Variants in CDK19 observed in about 807,000 individuals in gnomAD.
The protein encoded by CDK19 is cyclin dependent kinase 19.
CDK19 carries 20 observed loss-of-function variants against 68.3 expected under a neutral mutation model. That is an observed-to-expected ratio of 0.29 (90% CI 0.21 to 0.43). CDK19 has a LOEUF of 0.43. CDK19 is among the 20% of genes least tolerant of loss of function. The probability of loss-of-function intolerance (pLI) is 1.00; values close to 1 mark genes in which losing one functional copy is unlikely to be tolerated. For synonymous variants in CDK19, 221 were observed against 222.8 expected, an observed-to-expected ratio of 0.99 and a Z score of 0.07; for missense variants, 339 against 623.5, an observed-to-expected ratio of 0.54 and a Z score of 4.86.
At chr6:110,654,798 G>A (rs1293509134) in intron 4 of CDK19, among the ~76,000 whole-genome samples, 5 of 152,074 alleles carry the variant, frequency 3.3e-5, no homozygotes, top group African/African-American at 7.2e-5. Context: ...AAAAATTAGC[G>A]TGCATGGTGG....
chr6:110,686,431 T>C (rs1372389197), intron 2 of CDK19, among the ~76,000 whole-genome samples: 1 of 152,246 alleles, frequency 6.6e-6, no homozygotes, highest in Non-Finnish European at 1.5e-5. Flanking sequence ...ATTCATCTTC[T>C]GGGTGCAAAC....
intron 1 of CDK19, among the ~76,000 whole-genome samples, chr6:110,756,389 CAAA>C (rs746628617): frequency 1.0e-5 from 1 of 99,720 alleles, no homozygotes. Flanking sequence ...GACTCTGTCT[CAAA>C]AAAAAAAAAA....
At chr6:110,789,050 G>A (rs1428398015) in intron 1 of CDK19, among the ~76,000 whole-genome samples, 1 of 152,164 alleles carries the variant, frequency 6.6e-6, no homozygotes, top group Non-Finnish European at 1.5e-5. Flanking sequence ...ATGTGGAGAT[G>A]ATTAGCATCA....
intron 4 of CDK19, among the ~76,000 whole-genome samples, chr6:110,648,558 T>TTTTTTA (rs1780762751): frequency 6.8e-6 from 1 of 146,794 alleles, no homozygotes; most frequent in Non-Finnish European, 1.5e-5. Flanking sequence ...TTTTTTTTTT[T>TTTTTTA]GAGAAGGAGT....
At chr6:110,667,601 T>TA in intron 3 of CDK19, 27 bp from the exon 4 acceptor site, 1 of 1,277,526 alleles carries the variant, frequency 7.8e-7, no homozygotes, top group Non-Finnish European at 1.1e-6. Flanking sequence ...AACATAATAA[T>TA]ATAGTCTTTG....
At chr6:110,719,972 G>GCCCCCCCC (rs1167384607) in intron 2 of CDK19, among the ~76,000 whole-genome samples, 36 of 45,508 alleles carry the variant, frequency 7.9e-4, no homozygotes, top group East Asian at 1.2e-3. Flanking sequence ...CTTGTGATCC[G>GCCCCCCCC]CCCCCCCCCC....
intron 4 of CDK19, among the ~76,000 whole-genome samples, chr6:110,640,459 G>A (rs1441932456): frequency 6.6e-6 from 1 of 152,078 alleles, no homozygotes; most frequent in Admixed American, 6.5e-5. Context: ...GAGCTGAGAA[G>A]CATTTTAGAG....
chr6:110,703,583 T>C (rs1367214919), intron 2 of CDK19, among the ~76,000 whole-genome samples: 2 of 152,172 alleles, frequency 1.3e-5, no homozygotes, highest in Non-Finnish European at 2.9e-5. Flanking sequence ...TTCACACATC[T>C]AGTCCCAGCA....
At chr6:110,774,134 T>G (rs965691582) in intron 1 of CDK19, among the ~76,000 whole-genome samples, 10 of 152,322 alleles carry the variant, frequency 6.6e-5, no homozygotes, top group Admixed American at 5.9e-4. Context: ...GCTTATTGTA[T>G]GAAAAGACCA....
chr6:110,804,626 G>GT (rs940380769), intron 1 of CDK19, among the ~76,000 whole-genome samples: 2 of 150,098 alleles, frequency 1.3e-5, no homozygotes, highest in African/African-American at 4.9e-5. Flanking sequence ...GATAACAGGC[G>GT]TGAGCCACCA....
chr6:110,704,752 T>G (rs965003613), intron 2 of CDK19, among the ~76,000 whole-genome samples: 1 of 152,030 alleles, frequency 6.6e-6, no homozygotes. Flanking sequence ...TACAACTATA[T>G]AGATTCAGGT....
chr6:110,754,276 T>A (rs1325200584), intron 1 of CDK19, among the ~76,000 whole-genome samples: 1 of 151,974 alleles, frequency 6.6e-6, no homozygotes, highest in African/African-American at 2.4e-5. Flanking sequence ...CAAGCAATCC[T>A]CCCATCTCCA....
At chr6:110,731,236 A>C (rs1776737593) in intron 2 of CDK19, among the ~76,000 whole-genome samples, 1 of 152,236 alleles carries the variant, frequency 6.6e-6, no homozygotes, top group African/African-American at 2.4e-5. Flanking sequence ...CAAGATCCCC[A>C]GGTGATACGT....
chr6:110,712,143 A>C (rs968710680), intron 2 of CDK19, among the ~76,000 whole-genome samples: 4 of 152,230 alleles, frequency 2.6e-5, no homozygotes, highest in Non-Finnish European at 5.9e-5. Flanking sequence ...CCTGTAAAAA[A>C]AGTTCTGAGT....
intron 1 of CDK19, among the ~76,000 whole-genome samples, chr6:110,803,594 C>CT (rs1206864856): frequency 6.6e-6 from 1 of 152,010 alleles, no homozygotes; most frequent in Non-Finnish European, 1.5e-5. Context: ...CAGAAAAGTC[C>CT]TTTTTTAAAT....
At position 110,627,148 on chromosome 6, in the gene CDK19, G is replaced by A; in HGVS notation, c.647-3C>T. The A allele has an allele frequency of 6.9e-6, 11 of 1,598,004 alleles. No individual in the cohort carries two copies. The highest frequency in any genetic ancestry group is 9.4e-6 in the Non-Finnish European group (11 of 1,171,222). Reference sequence around the variant, plus strand: ...TATACAACCTATTGCCCATATATCTGGGAAGGAAGAAACATAAGTTTTTGT... The same window carrying A: ...TATACAACCTATTGCCCATATATCTAGGAAGGAAGAAACATAAGTTTTTGT... On this transcript the variant is annotated splice_polypyrimidine_tract_variant and splice_region_variant and intron_variant, in intron 6 of 12. Coordinates refer to ENST00000368911, the MANE Select transcript of CDK19 (RefSeq NM_015076.5).
intron 2 of CDK19, among the ~76,000 whole-genome samples, chr6:110,708,991 C>T (rs1582915384): frequency 1.3e-5 from 2 of 152,128 alleles, no homozygotes; most frequent in African/African-American, 2.4e-5. Flanking sequence ...ATGATCAAGT[C>T]GGCTTCATCC....
intron 4 of CDK19, among the ~76,000 whole-genome samples, chr6:110,659,546 A>G (rs1781493799): frequency 1.3e-5 from 2 of 152,236 alleles, no homozygotes. Flanking sequence ...TCTGCTTTAC[A>G]CAAAAGAGTA....
intron 1 of CDK19, among the ~76,000 whole-genome samples, chr6:110,793,694 T>A (rs962125543): frequency 1.3e-5 from 2 of 152,236 alleles, no homozygotes; most frequent in Non-Finnish European, 2.9e-5. Flanking sequence ...CTTGTGTTCC[T>A]CTAATCCATA....
Sources: allele counts gnomAD v4.1 joint callset (sites outside exome capture counted in the v4.1 genomes callset), GRCh38; gene constraint gnomAD v4.1.1; transcripts MANE v1.5; gene names NCBI Gene and HGNC (gene_info 2026-07-23, HGNC 2026-07-21).